ASAP1: variants seen among roughly 807,000 people sequenced by gnomAD.
ASAP1 encodes the protein ArfGAP with SH3 domain, ankyrin repeat and PH domain 1, also known as arf-GAP with SH3 domain, ANK repeat and PH domain-containing protein 1.
ASAP1 carries 43 observed loss-of-function variants against 145.2 expected under a neutral mutation model. That is an observed-to-expected ratio of 0.30 (90% CI 0.23 to 0.38). ASAP1 has a LOEUF of 0.38. Ranked by LOEUF, ASAP1 falls within the 10% of genes least tolerant of loss-of-function variation. ASAP1 has a pLI of 1.00. For missense variants in ASAP1, 1,018 were observed against 1,355.3 expected (o/e 0.75, Z 3.91); for synonymous variants, 546 against 515.5 (o/e 1.06, Z -0.80).
intron 2 of ASAP1, among the ~76,000 whole-genome samples, chr8:130,384,600 T>A (rs922099572): frequency 3.3e-5 from 5 of 152,182 alleles, no homozygotes; most frequent in African/African-American, 1.2e-4. Flanking sequence ...AGCCTTGGCC[T>A]CCCGAGTAGC....
intron 2 of ASAP1, among the ~76,000 whole-genome samples, chr8:130,372,834 G>A (rs1186553789): frequency 6.6e-6 from 1 of 151,916 alleles, no homozygotes; most frequent in Non-Finnish European, 1.5e-5. Flanking sequence ...GACTTGGCTG[G>A]AATTTTTACC....
intron 3 of ASAP1, among the ~76,000 whole-genome samples, chr8:130,313,365 T>C (rs576520056): frequency 1.3e-5 from 2 of 152,244 alleles, no homozygotes; most frequent in African/African-American, 4.8e-5. Context: ...CAGCTCTCAC[T>C]CTCAATGAGA....
chr8:130,412,137 AAAC>A (rs1023710246), intron 1 of ASAP1, among the ~76,000 whole-genome samples: 4 of 152,182 alleles, frequency 2.6e-5, no homozygotes, highest in African/African-American at 9.7e-5. Flanking sequence ...TTTACAGAGG[AAAC>A]AACAGCCCTT....
intron 3 of ASAP1, among the ~76,000 whole-genome samples, chr8:130,310,531 A>G (rs939089317): frequency 6.6e-6 from 1 of 152,202 alleles, no homozygotes; most frequent in Non-Finnish European, 1.5e-5. Flanking sequence ...AAGCAACAGC[A>G]GTGATAGTAA....
At position 130,157,350 on chromosome 8, in the gene ASAP1, C is replaced by T. The variant is rs145980563; in HGVS notation, c.1010+2514G>A. 4.1e-4 allele frequency among the ~76,000 whole-genome samples: 62 copies of T among 152,316 alleles called. 2 individuals carry two copies. Among genetic ancestry groups the T allele is most frequent in the African/African-American group, 1.5e-3 (62 of 41,568 alleles). The stretch of plus-strand genomic sequence containing the variant: ...GACGAGGGGTGATTTTCTTTCTCTA[C>T]ACCCCATATCAGCAAGTCCTGCTGC... On this transcript the variant is annotated intron_variant, in intron 12 of 29. Transcript: ENST00000518721.
intron 25 of ASAP1, among the ~76,000 whole-genome samples, chr8:130,080,322 C>T (rs2097476223): frequency 6.6e-6 from 1 of 152,158 alleles, no homozygotes; most frequent in Admixed American, 6.5e-5. Flanking sequence ...CAAGAGGCCT[C>T]ATGCTAGGAG....
intron 5 of ASAP1, among the ~76,000 whole-genome samples, chr8:130,188,757 A>G (rs1351897663): frequency 6.6e-6 from 1 of 151,726 alleles, no homozygotes; most frequent in Non-Finnish European, 1.5e-5. Flanking sequence ...AAAAGAAAAG[A>G]AAATTGAATT....
At chr8:130,415,343 C>A (rs1160089800) in intron 1 of ASAP1, among the ~76,000 whole-genome samples, 2 of 151,254 alleles carry the variant, frequency 1.3e-5, no homozygotes, top group Non-Finnish European at 2.9e-5. Context: ...TGGTATACAC[C>A]TATAGTCCCA....
At chr8:130,275,752 A>G (rs1383398225) in intron 3 of ASAP1, among the ~76,000 whole-genome samples, 1 of 152,214 alleles carries the variant, frequency 6.6e-6, no homozygotes, top group Non-Finnish European at 1.5e-5. Context: ...TAAACATAAA[A>G]ATGCTTTTAA....
intron 2 of ASAP1, among the ~76,000 whole-genome samples, chr8:130,359,435 A>AAAG (rs144249791): frequency 8.5e-5 from 13 of 152,088 alleles, no homozygotes; most frequent in African/African-American, 2.4e-4. Context: ...ATTTGGTTTA[A>AAAG]AAGAAGAAGA....
chr8:130,403,856 T>C (rs1348831813), intron 1 of ASAP1, among the ~76,000 whole-genome samples: 2 of 152,110 alleles, frequency 1.3e-5, no homozygotes, highest in Non-Finnish European at 2.9e-5. Flanking sequence ...GCCCGGCCCA[T>C]TGGACATTTT....
At chr8:130,282,786 T>G (rs1821331987) in intron 3 of ASAP1, among the ~76,000 whole-genome samples, 1 of 152,150 alleles carries the variant, frequency 6.6e-6, no homozygotes, top group African/African-American at 2.4e-5. Context: ...GACAACTAAA[T>G]GAACAAGAAC....
At chr8:130,363,617 T>C (rs1826817230) in intron 2 of ASAP1, among the ~76,000 whole-genome samples, 1 of 152,202 alleles carries the variant, frequency 6.6e-6, no homozygotes, top group African/African-American at 2.4e-5. Context: ...GTTATATATG[T>C]AATGTCTGAA....
At chr8:130,388,113 G>A (rs1049498141) in intron 2 of ASAP1, among the ~76,000 whole-genome samples, 13 of 152,222 alleles carry the variant, frequency 8.5e-5, no homozygotes, top group African/African-American at 3.1e-4. Flanking sequence ...GGGACAGGAG[G>A]TACAGGGACA....
intron 2 of ASAP1, among the ~76,000 whole-genome samples, chr8:130,377,460 G>A (rs1384532152): frequency 6.6e-6 from 1 of 152,206 alleles, no homozygotes; most frequent in African/African-American, 2.4e-5. Flanking sequence ...TCAGTCCCTT[G>A]TTGTTTATTC....
chr8:130,156,582 T>G (rs2097658657), intron 12 of ASAP1, among the ~76,000 whole-genome samples: 1 of 151,732 alleles, frequency 6.6e-6, no homozygotes, highest in African/African-American at 2.4e-5. Flanking sequence ...GTCAAGGGGG[T>G]GAATTTGTGC....
chr8:130,072,824 T>TGTGTGTGTGTGTGTGTGTGTGTGC, intron 27 of ASAP1, among the ~76,000 whole-genome samples: 3 of 32,312 alleles, frequency 9.3e-5, no homozygotes, highest in East Asian at 2.4e-3. Flanking sequence ...TGTGTGTGTG[T>TGTGTGTGTGTGTGTGTGTGTGTGC]GCGCGCGGGG....
chr8:130,091,349 C>A (rs931919565), intron 25 of ASAP1, among the ~76,000 whole-genome samples: 7 of 152,102 alleles, frequency 4.6e-5, no homozygotes, highest in Admixed American at 4.6e-4. Flanking sequence ...TGGCTGAGAA[C>A]TCAAGGATGA....
intron 3 of ASAP1, among the ~76,000 whole-genome samples, chr8:130,288,582 C>G (rs915752679): frequency 6.6e-6 from 1 of 152,156 alleles, no homozygotes; most frequent in Non-Finnish European, 1.5e-5. Flanking sequence ...TGTTAATCAC[C>G]TTCAAGACCC....
Sources: allele counts gnomAD v4.1 joint callset (sites outside exome capture counted in the v4.1 genomes callset), GRCh38; gene constraint gnomAD v4.1.1; transcripts MANE v1.5; gene names NCBI Gene and HGNC (gene_info 2026-07-23, HGNC 2026-07-21).